GNG2: variants seen among roughly 807,000 people sequenced by gnomAD.
GNG2 encodes the protein G protein subunit gamma 2.
A neutral mutation model predicts 5.5 loss-of-function variants in GNG2; 5 were observed. That is an observed-to-expected ratio of 0.91 (90% CI 0.48 to 1.92). The LOEUF (loss-of-function observed/expected upper bound fraction) is 1.92. Ranked by LOEUF, GNG2 falls within the 30% of genes most tolerant of loss-of-function variation. The probability of loss-of-function intolerance (pLI) is 0.01; values close to 1 mark genes in which losing one functional copy is unlikely to be tolerated. For synonymous variants in GNG2, 28 were observed against 32.0 expected, an observed-to-expected ratio of 0.88 and a Z score of 0.42; for missense variants, 55 against 88.4, an observed-to-expected ratio of 0.62 and a Z score of 1.52.
chr14:51,878,489 T>A (rs959677825), intron 2 of GNG2, among the ~76,000 whole-genome samples: 10 of 152,196 alleles, frequency 6.6e-5, no homozygotes, highest in African/African-American at 2.4e-4. Context: ...TTGTTGGGCT[T>A]TTAATTGTTT....
intron 2 of GNG2, among the ~76,000 whole-genome samples, chr14:51,831,198 C>A (rs529943537): frequency 1.3e-5 from 2 of 152,210 alleles, no homozygotes; most frequent in Non-Finnish European, 2.9e-5. Context: ...TTTAATATTA[C>A]TATAAACCTC....
chr14:51,949,029 G>C (rs1293478016), intron 2 of GNG2, among the ~76,000 whole-genome samples: 1 of 151,754 alleles, frequency 6.6e-6, no homozygotes, highest in East Asian at 1.9e-4. Flanking sequence ...GCTGAGGCAG[G>C]AGAATGGCAT....
intron 2 of GNG2, among the ~76,000 whole-genome samples, chr14:51,831,892 TCTCA>T (rs1366058164): frequency 6.6e-6 from 1 of 152,204 alleles, no homozygotes; most frequent in Non-Finnish European, 1.5e-5. Context: ...AAGATTCTCT[TCTCA>T]CTGTCAAAAG....
At chr14:51,961,422 A>G (rs1009231658) in intron 3 of GNG2, among the ~76,000 whole-genome samples, 3 of 152,218 alleles carry the variant, frequency 2.0e-5, no homozygotes, top group African/African-American at 7.2e-5. Context: ...AGCAATTACT[A>G]TGAGTGTTGA....
upstream of GNG2, among the ~76,000 whole-genome samples, chr14:51,858,390 T>C (rs1454032073): frequency 6.6e-6 from 1 of 152,198 alleles, no homozygotes; most frequent in Admixed American, 6.5e-5. Flanking sequence ...GTGAGTTTTA[T>C]AAGGGCCAGA....
chr14:51,826,664 G>A (rs979870232), intron 1 of GNG2, among the ~76,000 whole-genome samples: 10 of 152,194 alleles, frequency 6.6e-5, no homozygotes, highest in Non-Finnish European at 8.8e-5. Flanking sequence ...GGAAGCAAGG[G>A]TGTGGCTACA....
chr14:51,907,055 G>A (rs542072766), intron 2 of GNG2, among the ~76,000 whole-genome samples: 10 of 152,146 alleles, frequency 6.6e-5, no homozygotes, highest in African/African-American at 2.4e-5. Context: ...GTGCCCGGCC[G>A]CTGGAGAATC....
intron 2 of GNG2, among the ~76,000 whole-genome samples, chr14:51,882,636 T>C (rs1884163366): frequency 6.6e-6 from 1 of 152,230 alleles, no homozygotes; most frequent in South Asian, 2.1e-4. Flanking sequence ...TGTTTTTAAG[T>C]TTAAAAATTT....
At chr14:51,847,415 TGGGTGG>T (rs1351878193) in intron 2 of GNG2, 1 of 152,284 alleles carries the variant, frequency 6.6e-6, no homozygotes, top group African/African-American at 2.4e-5. Context: ...CCTCTTGGTT[TGGGTGG>T]GGGCACAGCT....
intron 2 of GNG2, among the ~76,000 whole-genome samples, chr14:51,896,218 A>G (rs532686061): frequency 1.5e-4 from 23 of 152,364 alleles, no homozygotes; most frequent in African/African-American, 5.3e-4. Context: ...CCGTTGCAGA[A>G]TAAAATTGTG....
chr14:51,829,515 T>A (rs556365437), intron 2 of GNG2, among the ~76,000 whole-genome samples: 2 of 152,228 alleles, frequency 1.3e-5, no homozygotes, highest in South Asian at 2.1e-4. Flanking sequence ...ACCCAACTCA[T>A]CTCCTACTAC....
At chr14:51,954,934 A>C (rs1171200802) in intron 3 of GNG2, among the ~76,000 whole-genome samples, 1 of 152,290 alleles carries the variant, frequency 6.6e-6, no homozygotes, top group East Asian at 1.9e-4. Context: ...CTGACATTCA[A>C]ATTGAACTCC....
intron 1 of GNG2, chr14:51,827,556 T>C (rs1881061516): frequency 1.7e-6 from 1 of 592,654 alleles, no homozygotes; most frequent in African/African-American, 1.9e-5. Flanking sequence ...TATTTTTTGA[T>C]GTCATACAGT....
chr14:51,876,701 C>T (rs1187523550), intron 1 of GNG2, among the ~76,000 whole-genome samples: 1 of 151,826 alleles, frequency 6.6e-6, no homozygotes, highest in Non-Finnish European at 1.5e-5. Context: ...CTATGGTAGT[C>T]TGGGAATATA....
intron 3 of GNG2, among the ~76,000 whole-genome samples, chr14:51,957,875 G>A (rs1412525997): frequency 6.6e-6 from 1 of 152,020 alleles, no homozygotes; most frequent in Non-Finnish European, 1.5e-5. Flanking sequence ...TTAAATTCAG[G>A]TAACAAAACT....
At chr14:51,861,088 G>A (rs1260394475) in intron 1 of GNG2, among the ~76,000 whole-genome samples, 2 of 152,116 alleles carry the variant, frequency 1.3e-5, no homozygotes, top group African/African-American at 2.4e-5. Context: ...TCCATCTGGG[G>A]CTGTGAAGCT....
At chr14:51,847,744 G>A (rs946858549) in intron 2 of GNG2, among the ~76,000 whole-genome samples, 1 of 152,104 alleles carries the variant, frequency 6.6e-6, no homozygotes, top group Non-Finnish European at 1.5e-5. Context: ...GACCTTTGGA[G>A]AGTCAAATTA....
At chr14:51,854,573 T>C (rs1367092158) in intron 2 of GNG2, among the ~76,000 whole-genome samples, 2 of 152,088 alleles carry the variant, frequency 1.3e-5, no homozygotes, top group Admixed American at 6.5e-5. Context: ...GCAGTGGTGC[T>C]ATCTTGGCTC....
intron 2 of GNG2, among the ~76,000 whole-genome samples, chr14:51,933,306 T>C (rs540319674): frequency 3.3e-5 from 5 of 152,332 alleles, no homozygotes; most frequent in Admixed American, 2.6e-4. Context: ...GATTTGCTGG[T>C]GACTTGGACA....
Sources: gnomAD v4.1 joint callset for allele counts (sites outside exome capture counted in the v4.1 genomes callset) on GRCh38, gnomAD v4.1.1 for gene constraint, MANE v1.5 for transcripts, NCBI Gene and HGNC (gene_info 2026-07-23, HGNC 2026-07-21) for gene names.